LSAMP: variants seen among roughly 807,000 people sequenced by gnomAD.
The protein encoded by LSAMP is limbic system associated membrane protein.
In LSAMP, 7 loss-of-function variants were observed where a neutral mutation model predicts 38.6. That is an observed-to-expected ratio of 0.18 (90% CI 0.10 to 0.34). The LOEUF (loss-of-function observed/expected upper bound fraction) is 0.34, where lower values mean the gene tolerates loss of function less well. Among genes scored for constraint, LSAMP ranks in the 10% least tolerant of loss-of-function variants. The pLI, the probability that LSAMP is intolerant of heterozygous loss-of-function variation, is 1.00. For synonymous variants in LSAMP, 154 were observed against 166.8 expected (o/e 0.92, Z 0.59); for missense variants, 313 against 420.0 (o/e 0.75, Z 2.23).
At chr3:116,198,777 A>AAAAAAGAAAAG (rs1229439634) in intron 1 of LSAMP, among the ~76,000 whole-genome samples, 1 of 147,332 alleles carries the variant, frequency 6.8e-6, no homozygotes. Context: ...TCTCAGAAAA[A>AAAAAAGAAAAG]AAAAGAAAAT....
At chr3:116,348,329 T>C (rs964598825) in intron 1 of LSAMP, among the ~76,000 whole-genome samples, 3 of 152,116 alleles carry the variant, frequency 2.0e-5, no homozygotes, top group Admixed American at 2.0e-4. Flanking sequence ...ACCTCTCATA[T>C]GGCAGAGTAA....
At chr3:116,264,992 T>C (rs1559804594) in intron 1 of LSAMP, among the ~76,000 whole-genome samples, 1 of 152,182 alleles carries the variant, frequency 6.6e-6, no homozygotes, top group Non-Finnish European at 1.5e-5. Context: ...GTTTTTCCTG[T>C]GAGCAGCCTC....
At chr3:116,194,918 T>C (rs965918650) in intron 1 of LSAMP, among the ~76,000 whole-genome samples, 1 of 152,260 alleles carries the variant, frequency 6.6e-6, no homozygotes, top group Non-Finnish European at 1.5e-5. Context: ...ACTTCCATGC[T>C]GGTCCTTGAC....
intron 1 of LSAMP, among the ~76,000 whole-genome samples, chr3:116,333,347 G>T (rs1244650503): frequency 5.9e-5 from 9 of 151,650 alleles, no homozygotes; most frequent in African/African-American, 1.9e-4. Context: ...AAGACCAGCT[G>T]GGCCAAAATG....
chr3:116,408,220 T>G (rs1322064488), intron 1 of LSAMP, among the ~76,000 whole-genome samples: 1 of 152,086 alleles, frequency 6.6e-6, no homozygotes, highest in Non-Finnish European at 1.5e-5. Flanking sequence ...AAAATGTGAT[T>G]TATATAAAAG....
chr3:116,286,650 T>C (rs1164235918), intron 1 of LSAMP, among the ~76,000 whole-genome samples: 1 of 152,162 alleles, frequency 6.6e-6, no homozygotes, highest in Non-Finnish European at 1.5e-5. Flanking sequence ...CTCATTTACC[T>C]TGATTAGCAG....
At chr3:116,393,277 G>T (rs2048727274) in intron 1 of LSAMP, among the ~76,000 whole-genome samples, 2 of 152,126 alleles carry the variant, frequency 1.3e-5, no homozygotes, top group Non-Finnish European at 2.9e-5. Context: ...CCCTCTTTGG[G>T]CCCCTGTGGT....
chr3:115,848,518 C>T (rs1398416916), intron 4 of LSAMP, among the ~76,000 whole-genome samples: 2 of 152,210 alleles, frequency 1.3e-5, no homozygotes, highest in African/African-American at 2.4e-5. Flanking sequence ...AATACACATA[C>T]ATTATCTGGA....
chr3:115,882,748 C>T (rs1048967968), intron 3 of LSAMP, among the ~76,000 whole-genome samples: 2 of 152,030 alleles, frequency 1.3e-5, no homozygotes, highest in African/African-American at 2.4e-5. Context: ...AAGGAATTTT[C>T]TGGCATCTTC....
chr3:116,398,130 T>TA (rs1207365850), intron 1 of LSAMP, among the ~76,000 whole-genome samples: 1 of 152,010 alleles, frequency 6.6e-6, no homozygotes, highest in Admixed American at 6.6e-5. Context: ...GAAAAGCAAA[T>TA]AAAAAAACTT....
At chr3:116,350,590 A>G (rs1335774190) in intron 1 of LSAMP, among the ~76,000 whole-genome samples, 1 of 151,180 alleles carries the variant, frequency 6.6e-6, no homozygotes, top group Non-Finnish European at 1.5e-5. Context: ...TATCAGATCA[A>G]CTAACATGGT....
chr3:115,925,377 A>C (rs1176717727), intron 3 of LSAMP, among the ~76,000 whole-genome samples: 7 of 152,188 alleles, frequency 4.6e-5, no homozygotes, highest in African/African-American at 1.7e-4. Context: ...CCTGACTTCT[A>C]TGCCATTTTG....
chr3:116,316,716 A>G (rs1434203501), intron 1 of LSAMP, among the ~76,000 whole-genome samples: 1 of 147,930 alleles, frequency 6.8e-6, no homozygotes, highest in East Asian at 2.1e-4. Context: ...GGTTGCAGTG[A>G]GCTAAGACCA....
At chr3:116,194,575 T>C (rs966251680) in intron 1 of LSAMP, among the ~76,000 whole-genome samples, 1 of 152,136 alleles carries the variant, frequency 6.6e-6, no homozygotes, top group Non-Finnish European at 1.5e-5. Flanking sequence ...TTTCGTGTTT[T>C]TTAGTAGAGA....
chr3:116,310,574 C>T (rs2047544334), intron 1 of LSAMP, among the ~76,000 whole-genome samples: 1 of 152,156 alleles, frequency 6.6e-6, no homozygotes, highest in Non-Finnish European at 1.5e-5. Flanking sequence ...TATTCAGATG[C>T]AGACCTTAAA....
chr3:116,136,737 G>A (rs1013483749), intron 1 of LSAMP, among the ~76,000 whole-genome samples: 7 of 151,786 alleles, frequency 4.6e-5, no homozygotes, highest in Admixed American at 1.3e-4. Flanking sequence ...CTGTGCCTAC[G>A]TATGTGTCTC....
At chr3:116,006,947 C>A (rs1940176822) in intron 3 of LSAMP, among the ~76,000 whole-genome samples, 1 of 152,146 alleles carries the variant, frequency 6.6e-6, no homozygotes, top group African/African-American at 2.4e-5. Flanking sequence ...CTGTCTTCCA[C>A]AGCCCAAACA....
At chr3:116,093,105 G>A (rs1252738513) in intron 1 of LSAMP, among the ~76,000 whole-genome samples, 1 of 152,182 alleles carries the variant, frequency 6.6e-6, no homozygotes, top group Non-Finnish European at 1.5e-5. Context: ...AGTGTAACTG[G>A]ATGGGTAAGA....
At chr3:115,903,509 G>A (rs534700516) in intron 3 of LSAMP, among the ~76,000 whole-genome samples, 3 of 152,238 alleles carry the variant, frequency 2.0e-5, no homozygotes, top group East Asian at 3.9e-4. Flanking sequence ...CAAAAAAAAG[G>A]TGTCAACAAA....
Sources: gnomAD v4.1 joint callset for allele counts (sites outside exome capture counted in the v4.1 genomes callset) on GRCh38, gnomAD v4.1.1 for gene constraint, MANE v1.5 for transcripts, NCBI Gene and HGNC (gene_info 2026-07-23, HGNC 2026-07-21) for gene names.